The following CHD6 variants were observed in gnomAD, a reference collection of about 807,000 sequenced individuals.
CHD6 encodes the protein ATP-dependent chromatin remodeler CHD6.
Under a neutral mutation model 276.9 loss-of-function variants are expected in CHD6, and 50 were observed. That is an observed-to-expected ratio of 0.18 (90% confidence interval 0.14 to 0.23). The LOEUF (loss-of-function observed/expected upper bound fraction) is 0.23, where lower values mean the gene tolerates loss of function less well. Ranked by LOEUF, CHD6 falls within the 10% of genes least tolerant of loss-of-function variation. The pLI is 1.00. For missense variants in CHD6, 2,564 were observed against 3,365.8 expected (o/e 0.76, Z 5.89); for synonymous variants, 1,173 against 1,229.3 (o/e 0.95, Z 0.96).
chr20:41,522,682 A>G (rs2044432287), intron 3 of CHD6, among the ~76,000 whole-genome samples: 1 of 151,948 alleles, frequency 6.6e-6, no homozygotes, highest in East Asian at 1.9e-4. Context: ...ATAAATAGAT[A>G]TTTATTGAAA....
intron 1 of CHD6, among the ~76,000 whole-genome samples, chr20:41,580,892 T>G (rs891657941): frequency 1.3e-5 from 2 of 152,206 alleles, no homozygotes; most frequent in East Asian, 3.9e-4. Flanking sequence ...ATAGGGCAGA[T>G]TGTTCCTAAG....
intron 19 of CHD6, 141 bp from the exon 20 acceptor site, chr20:41,454,877 T>A: frequency 2.0e-6 from 1 of 492,702 alleles, no homozygotes; most frequent in Non-Finnish European, 3.6e-6. Flanking sequence ...CCAAAATGAA[T>A]TGAAAATCTC....
intron 2 of CHD6, among the ~76,000 whole-genome samples, chr20:41,548,202 G>A (rs527997844): frequency 6.6e-6 from 1 of 152,254 alleles, no homozygotes; most frequent in Non-Finnish European, 1.5e-5. Context: ...ATTTATAAGA[G>A]GAGCAGGATC....
chr20:41,434,435 A>T (rs1600848801), intron 27 of CHD6, among the ~76,000 whole-genome samples: 1 of 152,174 alleles, frequency 6.6e-6, no homozygotes, highest in African/African-American at 2.4e-5. Context: ...CAGTGGCGTG[A>T]TCATGGCTCG....
rs1302823408 is a variant in CHD6 at position 41,533,578 on chromosome 20, A to G, written c.34-8T>C. ...AACTTTTAAATTTGACAACTGTAAA[A>G]GAAAGAGAAACAAGCATATTACCCT... On this transcript the variant is annotated splice_polypyrimidine_tract_variant and splice_region_variant and intron_variant, in intron 2 of 36. Coordinates refer to ENST00000373233, the MANE Select transcript of CHD6 (RefSeq NM_032221.5). 1.3e-6 allele frequency: 2 copies of G among 1,590,464 alleles called. No homozygotes were observed. The highest frequency in any genetic ancestry group is 2.2e-5 in the East Asian group (1 of 44,826).
At chr20:41,548,556 G>A (rs904790595) in intron 2 of CHD6, among the ~76,000 whole-genome samples, 1 of 152,160 alleles carries the variant, frequency 6.6e-6, no homozygotes, top group Non-Finnish European at 1.5e-5. Flanking sequence ...AGAAAACCTA[G>A]GCAATACCAT....
At chr20:41,510,334 CA>C (rs1469847261) in intron 5 of CHD6, among the ~76,000 whole-genome samples, 1 of 152,190 alleles carries the variant, frequency 6.6e-6, no homozygotes, top group Non-Finnish European at 1.5e-5. Flanking sequence ...TTTGGTTCTG[CA>C]GCAACGAGGA....
chr20:41,602,647 TTTC>T (rs1370190631), intron 1 of CHD6, among the ~76,000 whole-genome samples: 1 of 152,174 alleles, frequency 6.6e-6, no homozygotes, highest in Non-Finnish European at 1.5e-5. Flanking sequence ...ATCACCAGCA[TTTC>T]TTTTTACATT....
intron 3 of CHD6, among the ~76,000 whole-genome samples, chr20:41,518,460 G>C (rs576442978): frequency 3.6e-4 from 55 of 152,116 alleles, no homozygotes; most frequent in African/African-American, 1.3e-3. Flanking sequence ...TTGAAAGGAG[G>C]GGGGAATCAT....
Position 41,404,200 on chromosome 20 carries a change from G to A in CHD6, c.*393C>T. 1.9e-6 allele frequency: 2 copies of A among 1,068,386 alleles called. No homozygotes were observed. The highest frequency in any genetic ancestry group is 2.3e-6 in the Non-Finnish European group (2 of 882,218). The allele number at this position is 1,068,386 out of a possible 1,614,324, so 66.2% of individuals were successfully genotyped here. A position where few individuals can be genotyped will look rare whatever the true frequency, so the allele number is the denominator to read the frequency against. On this transcript the variant is annotated 3_prime_UTR_variant, in exon 37 of 37. Coordinates refer to ENST00000373233, the MANE Select transcript of CHD6 (RefSeq NM_032221.5). ...CTGTGCAACCCAGCTCACAGAAAAAGAGCTCCTCTTTGTCTCTGTTCTTCC... is the reference window on the plus strand; with the variant it reads ...CTGTGCAACCCAGCTCACAGAAAAAAAGCTCCTCTTTGTCTCTGTTCTTCC...
intron 5 of CHD6, among the ~76,000 whole-genome samples, chr20:41,502,611 T>C (rs922575860): frequency 6.6e-6 from 1 of 152,244 alleles, no homozygotes; most frequent in African/African-American, 2.4e-5. Context: ...CAGGTTATGT[T>C]AGATAGGTCT....
chr20:41,514,374 G>C (rs1301930084), intron 4 of CHD6, among the ~76,000 whole-genome samples: 1 of 152,116 alleles, frequency 6.6e-6, no homozygotes, highest in Non-Finnish European at 1.5e-5. Flanking sequence ...TTCCAAGTTT[G>C]GCCAAACCTT....
chr20:41,528,035 G>A (rs866778215), intron 3 of CHD6, among the ~76,000 whole-genome samples: 1 of 152,176 alleles, frequency 6.6e-6, no homozygotes, highest in African/African-American at 2.4e-5. Context: ...GTAAGCCAAA[G>A]AAATTTCTGT....
At chr20:41,566,893 G>C (rs2045361179) in intron 1 of CHD6, among the ~76,000 whole-genome samples, 1 of 152,182 alleles carries the variant, frequency 6.6e-6, no homozygotes, top group African/African-American at 2.4e-5. Context: ...TCACACAAAT[G>C]GGGTGAATAG....
chr20:41,428,007 G>C (rs2047419057), intron 27 of CHD6, among the ~76,000 whole-genome samples: 1 of 152,184 alleles, frequency 6.6e-6, no homozygotes, highest in Admixed American at 6.5e-5. Context: ...GTGCCATGTA[G>C]TGGTGGCTGA....
At chr20:41,515,643 C>T (rs756952068) in intron 3 of CHD6, among the ~76,000 whole-genome samples, 1 of 152,204 alleles carries the variant, frequency 6.6e-6, no homozygotes, top group African/African-American at 2.4e-5. Context: ...GCTTAAACGA[C>T]CTTTCACCAG....
chr20:41,606,580 C>G (rs1199635697), intron 1 of CHD6, among the ~76,000 whole-genome samples: 1 of 151,306 alleles, frequency 6.6e-6, no homozygotes, highest in African/African-American at 2.4e-5. Context: ...GAGGCTGAGG[C>G]AGGAGAATCA....
chr20:41,545,330 A>G (rs1420199767), intron 2 of CHD6, among the ~76,000 whole-genome samples: 1 of 152,180 alleles, frequency 6.6e-6, no homozygotes, highest in Admixed American at 6.5e-5. Flanking sequence ...TAAAGTAAGA[A>G]TAATGAAAAA....
intron 2 of CHD6, among the ~76,000 whole-genome samples, chr20:41,544,815 G>C (rs923237785): frequency 3.1e-4 from 47 of 150,860 alleles, no homozygotes; most frequent in Admixed American, 2.0e-4. Context: ...CTATATCATA[G>C]TAATATATGA....
Sources: allele counts gnomAD v4.1 joint callset (sites outside exome capture counted in the v4.1 genomes callset), GRCh38; gene constraint gnomAD v4.1.1; transcripts MANE v1.5; gene names NCBI Gene and HGNC (gene_info 2026-07-23, HGNC 2026-07-21).